The following EGFLAM variants were observed in gnomAD, a reference collection of about 807,000 sequenced individuals.
The protein encoded by EGFLAM is EGF like, fibronectin type III and laminin G domains.
A neutral mutation model predicts 113.1 loss-of-function variants in EGFLAM; 79 were observed. That is an observed-to-expected ratio of 0.70 (90% CI 0.58 to 0.84). EGFLAM has a LOEUF of 0.84. EGFLAM is among the 40% of genes least tolerant of loss of function. EGFLAM has a pLI of 0.00. For missense variants in EGFLAM, 1,265 were observed against 1,291.6 expected, an observed-to-expected ratio of 0.98 and a Z score of 0.32; for synonymous variants, 504 against 487.6, an observed-to-expected ratio of 1.03 and a Z score of -0.44.
intron 5 of EGFLAM, among the ~76,000 whole-genome samples, chr5:38,365,475 T>C (rs1008295292): frequency 3.3e-5 from 5 of 152,168 alleles, no homozygotes; most frequent in African/African-American, 1.2e-4. Flanking sequence ...AACAGATTCC[T>C]CTCAGGGGCT....
intron 1 of EGFLAM, among the ~76,000 whole-genome samples, chr5:38,322,750 G>A (rs1291077762): frequency 2.0e-5 from 3 of 152,162 alleles, no homozygotes; most frequent in Non-Finnish European, 4.4e-5. Context: ...CTTTGGAATT[G>A]CACTCTGGCA....
intron 1 of EGFLAM, among the ~76,000 whole-genome samples, chr5:38,318,011 G>A (rs1738645283): frequency 6.6e-6 from 1 of 152,178 alleles, no homozygotes; most frequent in South Asian, 2.1e-4. Context: ...ATGAGTTAAT[G>A]CAGTTGTTCA....
chr5:38,388,771 A>AC (rs1182948912), intron 6 of EGFLAM, among the ~76,000 whole-genome samples: 29 of 149,890 alleles, frequency 1.9e-4, no homozygotes, highest in East Asian at 5.9e-4. Context: ...AAAAAAAAAA[A>AC]AAAAAAGTTA....
At chr5:38,461,514 A>G (rs1438864365) in intron 20 of EGFLAM, among the ~76,000 whole-genome samples, 1 of 149,136 alleles carries the variant, frequency 6.7e-6, no homozygotes, top group Admixed American at 6.7e-5. Context: ...AGAGTAATTA[A>G]TTTTTTTTTT....
At chr5:38,385,731 G>T (rs1740642641) in intron 6 of EGFLAM, among the ~76,000 whole-genome samples, 1 of 152,114 alleles carries the variant, frequency 6.6e-6, no homozygotes, top group Non-Finnish European at 1.5e-5. Context: ...TTTAAAGTGT[G>T]GTCATGTCCC....
chr5:38,375,499 A>G (rs1279550477), intron 6 of EGFLAM, among the ~76,000 whole-genome samples: 3 of 152,104 alleles, frequency 2.0e-5, no homozygotes, highest in Non-Finnish European at 4.4e-5. Context: ...TTGAGATCCC[A>G]CCAAGGACAC....
intron 3 of EGFLAM, among the ~76,000 whole-genome samples, chr5:38,343,201 C>G (rs143333709): frequency 0.019 from 2,908 of 151,854 alleles, 99 homozygotes; most frequent in African/African-American, 0.067. Flanking sequence ...GTCAGGAGTT[C>G]GAGACCAGCC....
chr5:38,438,853 CCT>C (rs1742443275), intron 17 of EGFLAM, among the ~76,000 whole-genome samples: 1 of 152,110 alleles, frequency 6.6e-6, no homozygotes. Flanking sequence ...TATTTTAACC[CCT>C]GTCTGTGCAT....
intron 1 of EGFLAM, among the ~76,000 whole-genome samples, chr5:38,271,011 G>C (rs1202537678): frequency 6.6e-6 from 1 of 152,106 alleles, no homozygotes; most frequent in African/African-American, 2.4e-5. Context: ...TTCATATTAT[G>C]AATTATTAGA....
chr5:38,452,387 T>C (rs1269179057), intron 19 of EGFLAM, among the ~76,000 whole-genome samples: 3 of 152,182 alleles, frequency 2.0e-5, no homozygotes, highest in Non-Finnish European at 4.4e-5. Context: ...AATGGCACAC[T>C]TGAGTAGCTT....
chr5:38,306,389 G>A (rs1479080525), intron 1 of EGFLAM, among the ~76,000 whole-genome samples: 5 of 152,122 alleles, frequency 3.3e-5, no homozygotes, highest in African/African-American at 7.2e-5. Flanking sequence ...AGATGGCTGC[G>A]TGGCTAGGCT....
intron 1 of EGFLAM, among the ~76,000 whole-genome samples, chr5:38,292,937 A>G (rs192970376): frequency 1.7e-3 from 264 of 152,360 alleles, no homozygotes; most frequent in African/African-American, 6.0e-3. Flanking sequence ...CCCATGGAAC[A>G]TAAAACAGAG....
intron 6 of EGFLAM, among the ~76,000 whole-genome samples, chr5:38,395,322 C>G (rs1005421359): frequency 6.7e-6 from 1 of 148,880 alleles, no homozygotes; most frequent in Non-Finnish European, 1.5e-5. Flanking sequence ...TAGATCACTA[C>G]AGCCTGGAAC....
chr5:38,313,008 A>G (rs1216591783), intron 1 of EGFLAM, among the ~76,000 whole-genome samples: 2 of 152,160 alleles, frequency 1.3e-5, no homozygotes, highest in African/African-American at 4.8e-5. Flanking sequence ...GAATTGCTTG[A>G]ACCCCGGAGG....
chr5:38,403,708 T>G, intron 6 of EGFLAM: 2 of 1,413,510 alleles, frequency 1.4e-6, no homozygotes, highest in South Asian at 1.4e-5. Context: ...CCATTTAATA[T>G]TTTTGGACTG....
chr5:38,362,003 G>A (rs544067049), intron 5 of EGFLAM, among the ~76,000 whole-genome samples: 1 of 151,704 alleles, frequency 6.6e-6, no homozygotes, highest in South Asian at 2.1e-4. Context: ...TTACCCACAA[G>A]TAATTCAATG....
chr5:38,323,894 T>C (rs1456712985), intron 1 of EGFLAM, among the ~76,000 whole-genome samples: 1 of 151,998 alleles, frequency 6.6e-6, no homozygotes, highest in Non-Finnish European at 1.5e-5. Flanking sequence ...AGTAAAAAGT[T>C]AAGCTGGCGT....
Position 38,344,274 on chromosome 5 carries a change from T to C in EGFLAM, c.291+5493T>C, listed in dbSNP as rs1739420091. 3.9e-5 allele frequency among the ~76,000 whole-genome samples: 6 copies of C among 152,118 alleles called. No individual in the cohort carries two copies. The South Asian group carries it at 1.2e-3, about 32-fold the overall frequency. ...GCTGAGGTGGGCAGATCACCTGAGGTCAGGAGTTTGAGACCAGCCTGGCCA... is the reference window on the plus strand; with the variant it reads ...GCTGAGGTGGGCAGATCACCTGAGGCCAGGAGTTTGAGACCAGCCTGGCCA... On this transcript the variant is annotated intron_variant, in intron 3 of 21. Transcript: ENST00000322350.
At chr5:38,263,071 C>T (rs2111683989) in intron 1 of EGFLAM, among the ~76,000 whole-genome samples, 1 of 152,096 alleles carries the variant, frequency 6.6e-6, no homozygotes, top group South Asian at 2.1e-4. Context: ...GTTTGCATTT[C>T]TCTAATGACT....
Sources: gnomAD v4.1 joint callset for allele counts (sites outside exome capture counted in the v4.1 genomes callset) on GRCh38, gnomAD v4.1.1 for gene constraint, MANE v1.5 for transcripts, NCBI Gene and HGNC (gene_info 2026-07-23, HGNC 2026-07-21) for gene names.